Variants in PDE7B observed in about 807,000 individuals in gnomAD.
The protein encoded by PDE7B is phosphodiesterase 7B, also known as 3',5'-cyclic-AMP phosphodiesterase 7B.
A neutral mutation model predicts 56.2 loss-of-function variants in PDE7B; 29 were observed. The observed-to-expected ratio is 0.52, with a 90% CI of 0.38 to 0.70. PDE7B has a LOEUF of 0.70. Ranked by LOEUF, PDE7B falls within the 30% of genes least tolerant of loss-of-function variation. PDE7B has a pLI of 0.00. For synonymous variants in PDE7B, 197 were observed against 196.9 expected, an observed-to-expected ratio of 1.00 and a Z score of 0.00; for missense variants, 490 against 565.0, an observed-to-expected ratio of 0.87 and a Z score of 1.35.
intron 1 of PDE7B, among the ~76,000 whole-genome samples, chr6:135,872,282 G>A (rs981255961): frequency 1.3e-5 from 2 of 152,168 alleles, no homozygotes; most frequent in Non-Finnish European, 2.9e-5. Flanking sequence ...ATCATTCAGT[G>A]TACTAAGCAG....
chr6:135,909,982 A>G (rs1372813714), intron 1 of PDE7B, among the ~76,000 whole-genome samples: 1 of 152,166 alleles, frequency 6.6e-6, no homozygotes, highest in Admixed American at 6.5e-5. Context: ...TACTGCTTAC[A>G]TTTGCAAGAG....
chr6:136,054,613 C>G (rs6939892), intron 2 of PDE7B, among the ~76,000 whole-genome samples: 76,837 of 151,950 alleles, frequency 0.51, 20,205 homozygotes, highest in African/African-American at 0.66. Flanking sequence ...TAGCTCGATG[C>G]GGATGGCATT....
intron 2 of PDE7B, among the ~76,000 whole-genome samples, chr6:135,964,207 G>A (rs938029957): frequency 6.6e-6 from 1 of 151,874 alleles, no homozygotes; most frequent in African/African-American, 2.4e-5. Context: ...GGGTTCAAGT[G>A]AGTCTCCTGC....
chr6:135,862,162 T>G (rs1775162580), intron 1 of PDE7B, among the ~76,000 whole-genome samples: 1 of 151,880 alleles, frequency 6.6e-6, no homozygotes, highest in South Asian at 2.1e-4. Context: ...AATATTATCT[T>G]GTTTCCAGTC....
chr6:136,171,688 C>A (rs1778885278), intron 8 of PDE7B, among the ~76,000 whole-genome samples: 1 of 151,478 alleles, frequency 6.6e-6, no homozygotes, highest in Admixed American at 6.6e-5. Flanking sequence ...GCACAATGTG[C>A]AGGTTAGTTA....
At position 136,037,780 on chromosome 6, in the gene PDE7B, C is replaced by T. The variant is rs569079375; in HGVS notation, c.83-70951C>T. On this transcript the variant is annotated intron_variant, in intron 2 of 12. Coordinates refer to ENST00000308191, the MANE Select transcript of PDE7B (RefSeq NM_018945.4). ...TGCCTGAAGTCCTTAAGAGCTAAGCCGACAAAGAGCTAAGAGTCAACAAAC... is the reference window on the plus strand; with the variant it reads ...TGCCTGAAGTCCTTAAGAGCTAAGCTGACAAAGAGCTAAGAGTCAACAAAC... 2.5e-5 allele frequency: 25 copies of T among 985,292 alleles called. No individual in the cohort carries two copies. In the African/African-American group the frequency reaches 3.0e-4, roughly 12 times the overall value. 61.0% of individuals were successfully genotyped at this position (985,292 alleles called of 1,614,324 possible).
At chr6:136,057,004 C>T (rs749280659) in intron 2 of PDE7B, among the ~76,000 whole-genome samples, 2 of 152,118 alleles carry the variant, frequency 1.3e-5, no homozygotes, top group African/African-American at 2.4e-5. Context: ...CCCAATGGCC[C>T]TGTATCTTTA....
At position 135,931,373 on chromosome 6, in the gene PDE7B, A is replaced by G. The variant is rs186128304; in HGVS notation, c.22-16091A>G. 4.8e-3 allele frequency among the ~76,000 whole-genome samples: 724 copies of G among 152,326 alleles called. 5 individuals are homozygous for G. The highest frequency in any genetic ancestry group is 7.6e-3 in the Non-Finnish European group (519 of 68,018). Reference sequence around the variant, plus strand: ...ATCTGTTTGTATAGATGACATTGAGAATGTTATTTAATAACAAGATCATGT... The same window carrying G: ...ATCTGTTTGTATAGATGACATTGAGGATGTTATTTAATAACAAGATCATGT... On this transcript the variant is annotated intron_variant, in intron 1 of 12. Coordinates refer to ENST00000308191, the MANE Select transcript of PDE7B (RefSeq NM_018945.4).
chr6:135,986,588 C>T (rs910687795), intron 2 of PDE7B, among the ~76,000 whole-genome samples: 7 of 152,206 alleles, frequency 4.6e-5, no homozygotes, highest in Admixed American at 2.0e-4. Context: ...ATGCTGTTCA[C>T]ATTTCGATTC....
intron 2 of PDE7B, among the ~76,000 whole-genome samples, chr6:135,969,350 T>C (rs1205726657): frequency 2.0e-5 from 3 of 152,124 alleles, no homozygotes; most frequent in East Asian, 1.9e-4. Context: ...CTTTGTAATA[T>C]ACATTTCACA....
At chr6:135,904,920 T>G (rs1776069589) in intron 1 of PDE7B, among the ~76,000 whole-genome samples, 1 of 152,192 alleles carries the variant, frequency 6.6e-6, no homozygotes, top group Non-Finnish European at 1.5e-5. Context: ...TGACAGAACT[T>G]TTAGGATTCC....
At chr6:136,179,222 T>G in intron 10 of PDE7B, 81 bp downstream of exon 10, 1 of 1,295,290 alleles carries the variant, frequency 7.7e-7, no homozygotes, top group Non-Finnish European at 1.1e-6. Context: ...ACATCTGTAG[T>G]CCCAGCTACT....
intron 2 of PDE7B, among the ~76,000 whole-genome samples, chr6:135,972,611 AT>A (rs961983872): frequency 2.0e-5 from 3 of 152,042 alleles, no homozygotes; most frequent in Non-Finnish European, 4.4e-5. Flanking sequence ...GATGGGAAGT[AT>A]TTTTTTGCAG....
chr6:135,996,884 A>G (rs1023514804), intron 2 of PDE7B, among the ~76,000 whole-genome samples: 1 of 152,160 alleles, frequency 6.6e-6, no homozygotes. Context: ...ACCCACTTAG[A>G]GCACAGGGAT....
chr6:136,129,698 G>A (rs1202797830), intron 3 of PDE7B, among the ~76,000 whole-genome samples: 1 of 152,200 alleles, frequency 6.6e-6, no homozygotes, highest in Non-Finnish European at 1.5e-5. Context: ...GGAAGGGAAG[G>A]GTGAGCTGTT....
chr6:135,920,621 C>T (rs984187853), intron 1 of PDE7B, among the ~76,000 whole-genome samples: 1 of 152,266 alleles, frequency 6.6e-6, no homozygotes. Context: ...AAAAGAGTCA[C>T]CTAAATGCCA....
chr6:136,112,253 C>G (rs1040573636), intron 3 of PDE7B, among the ~76,000 whole-genome samples: 1 of 152,150 alleles, frequency 6.6e-6, no homozygotes, highest in African/African-American at 2.4e-5. Context: ...TGTCTTCAAC[C>G]AGAACAAAGT....
chr6:135,944,757 C>T (rs1774564985), intron 1 of PDE7B, among the ~76,000 whole-genome samples: 2 of 152,288 alleles, frequency 1.3e-5, no homozygotes, highest in South Asian at 4.1e-4. Flanking sequence ...ATATTCACAC[C>T]AATGTGCCTG....
chr6:136,109,515 T>C (rs899682533), intron 3 of PDE7B, among the ~76,000 whole-genome samples: 5 of 152,214 alleles, frequency 3.3e-5, no homozygotes, highest in Admixed American at 3.3e-4. Context: ...CTACCTGTTA[T>C]GGAATTCTCA....
Sources: gnomAD v4.1 joint callset for allele counts (sites outside exome capture counted in the v4.1 genomes callset) on GRCh38, gnomAD v4.1.1 for gene constraint, MANE v1.5 for transcripts, NCBI Gene and HGNC (gene_info 2026-07-23, HGNC 2026-07-21) for gene names.